Variants in NXPE2 observed in about 807,000 individuals in gnomAD.
NXPE2 encodes the protein neurexophilin and PC-esterase domain family member 2.
In NXPE2, 34 loss-of-function variants were observed where a neutral mutation model predicts 34.4. That is an observed-to-expected ratio of 0.99 (90% CI 0.75 to 1.31). NXPE2 has a LOEUF of 1.31. NXPE2 is among the 40% of genes most tolerant of loss of function. The probability of loss-of-function intolerance (pLI) is 0.00; values close to 1 mark genes in which losing one functional copy is unlikely to be tolerated. For synonymous variants in NXPE2, 235 were observed against 231.3 expected (o/e 1.02, Z -0.15); for missense variants, 649 against 672.5 (o/e 0.97, Z 0.39).
chr11:114,588,111 C>T, the NXPE2 span, among the ~76,000 whole-genome samples: 2 of 152,066 alleles, frequency 1.3e-5, no homozygotes, highest in African/African-American at 4.8e-5. Flanking sequence ...AATGATTCCC[C>T]AAAACTAGAG....
At chr11:114,790,870 G>T in the NXPE2 span, among the ~76,000 whole-genome samples, 1 of 151,624 alleles carries the variant, frequency 6.6e-6, no homozygotes, top group African/African-American at 2.4e-5. Context: ...TCCCTGAAGA[G>T]TCCCCCAGGG....
chr11:114,542,731 T>C, the NXPE2 span, among the ~76,000 whole-genome samples: 1 of 152,184 alleles, frequency 6.6e-6, no homozygotes, highest in Middle Eastern at 3.4e-3. Flanking sequence ...AGGGAAGCAA[T>C]AGTCATTTAC....
At chr11:114,519,325 A>G in the NXPE2 span, among the ~76,000 whole-genome samples, 1 of 152,194 alleles carries the variant, frequency 6.6e-6, no homozygotes, top group Non-Finnish European at 1.5e-5. Context: ...GTTCTATCCC[A>G]TTAACACTTA....
intron 3 of NXPE2, among the ~76,000 whole-genome samples, chr11:114,699,304 C>G (rs982932815): frequency 1.3e-5 from 2 of 152,210 alleles, no homozygotes; most frequent in Non-Finnish European, 2.9e-5. Flanking sequence ...CAACAATCCC[C>G]AGAGCTGATT....
chr11:114,769,429 A>G, the NXPE2 span, among the ~76,000 whole-genome samples: 1 of 152,178 alleles, frequency 6.6e-6, no homozygotes, highest in Admixed American at 6.5e-5. Context: ...TAGAAACAGA[A>G]ATACCATTTG....
At chr11:114,717,683 A>T in the NXPE2 span, among the ~76,000 whole-genome samples, 2 of 152,208 alleles carry the variant, frequency 1.3e-5, no homozygotes, top group South Asian at 4.1e-4. Flanking sequence ...GGTACTGGTG[A>T]ATACACTACA....
rs1591426710 is a variant in NXPE2, at chr11:114,682,155, A to G, written c.132+2393A>G. On this transcript the variant is annotated intron_variant, in intron 2 of 5. Coordinates refer to ENST00000389586, the MANE Select transcript of NXPE2 (RefSeq NM_182495.6). ...ATTTATTTTCCAAAATTGTATAAAC[A>G]ATCTATAACATTTTCATCCTGATCA... Among the ~76,000 whole-genome samples the G allele has an allele frequency of 2.6e-5, 4 of 152,338 alleles. No individual in the cohort carries two copies. In the East Asian group the frequency reaches 7.7e-4, roughly 29 times the overall value.
the NXPE2 span, among the ~76,000 whole-genome samples, chr11:114,501,323 C>A: frequency 1.3e-5 from 2 of 152,130 alleles, no homozygotes; most frequent in Non-Finnish European, 2.9e-5. Context: ...CTAAGCACTA[C>A]CCCTTACAGC....
chr11:114,773,273 A>ACCCCCCCCCCCCCCCCCCCCCCCCC, the NXPE2 span, among the ~76,000 whole-genome samples: 1 of 37,278 alleles, frequency 2.7e-5, no homozygotes, highest in South Asian at 1.6e-3. Flanking sequence ...TACACAACCC[A>ACCCCCCCCCCCCCCCCCCCCCCCCC]CTCCCACCCC....
the NXPE2 span, chr11:114,522,401 G>A: frequency 7.4e-6 from 12 of 1,613,918 alleles, no homozygotes; most frequent in Admixed American, 1.3e-4. Flanking sequence ...AGTGACGAAG[G>A]GATAGCTATG....
chr11:114,468,421 A>G, the NXPE2 span, among the ~76,000 whole-genome samples: 1 of 152,228 alleles, frequency 6.6e-6, no homozygotes, highest in Non-Finnish European at 1.5e-5. Context: ...TGCATGGTGC[A>G]GTGGCTAGTG....
chr11:114,636,585 C>G, the NXPE2 span, among the ~76,000 whole-genome samples: 1 of 151,764 alleles, frequency 6.6e-6, no homozygotes, highest in African/African-American at 2.4e-5. Context: ...TTCCTGCTTT[C>G]TCTTGTGGGC....
chr11:114,581,720 C>G, the NXPE2 span: 1 of 1,608,342 alleles, frequency 6.2e-7, no homozygotes, highest in Non-Finnish European at 8.5e-7. Context: ...CACAGGAGTA[C>G]TTACTGTTGC....
chr11:114,743,247 A>G, the NXPE2 span, among the ~76,000 whole-genome samples: 2 of 131,802 alleles, frequency 1.5e-5, no homozygotes, highest in Non-Finnish European at 1.7e-5. Flanking sequence ...TGCACCAGAG[A>G]CATTAACTTA....
chr11:114,492,016 G>T, the NXPE2 span, among the ~76,000 whole-genome samples: 5 of 152,182 alleles, frequency 3.3e-5, no homozygotes, highest in African/African-American at 9.6e-5. Context: ...TTGTGTGGTC[G>T]GGGGAGGGGG....
the NXPE2 span, among the ~76,000 whole-genome samples, chr11:114,803,516 G>A: frequency 1.3e-5 from 2 of 151,954 alleles, no homozygotes; most frequent in Non-Finnish European, 2.9e-5. Context: ...CCTCATAGAT[G>A]GTGCCTTATA....
the NXPE2 span, among the ~76,000 whole-genome samples, chr11:114,597,509 A>G: frequency 1.3e-5 from 2 of 152,192 alleles, no homozygotes; most frequent in African/African-American, 4.8e-5. Context: ...TTGATGGATA[A>G]ATATGCATTT....
the NXPE2 span, among the ~76,000 whole-genome samples, chr11:114,636,824 G>A: frequency 6.6e-6 from 1 of 152,126 alleles, no homozygotes; most frequent in African/African-American, 2.4e-5. Flanking sequence ...TGTGGTCTGA[G>A]AGACAGTTTG....
At chr11:114,695,959 A>T (rs2135555963) in intron 2 of NXPE2, among the ~76,000 whole-genome samples, 1 of 152,144 alleles carries the variant, frequency 6.6e-6, no homozygotes, top group Non-Finnish European at 1.5e-5. Context: ...CGGAGGTTGC[A>T]GTGAGCCGAG....
Sources: allele counts gnomAD v4.1 joint callset (sites outside exome capture counted in the v4.1 genomes callset), GRCh38; gene constraint gnomAD v4.1.1; transcripts MANE v1.5; gene names NCBI Gene and HGNC (gene_info 2026-07-23, HGNC 2026-07-21).